ZDHHC11B: variants seen among roughly 807,000 people sequenced by gnomAD.
The protein encoded by ZDHHC11B is probable palmitoyltransferase ZDHHC11B.
ZDHHC11B carries 17 observed loss-of-function variants against 42.3 expected under a neutral mutation model. The observed-to-expected ratio is 0.40, with a 90% CI of 0.27 to 0.60. The LOEUF is 0.60. ZDHHC11B is among the 20% of genes least tolerant of loss of function. The probability of loss-of-function intolerance (pLI) is 0.41; values close to 1 mark genes in which losing one functional copy is unlikely to be tolerated. For missense variants in ZDHHC11B, 262 were observed against 463.2 expected (o/e 0.57, Z 3.99); for synonymous variants, 123 against 193.5 (o/e 0.64, Z 3.02).
intron 12 of ZDHHC11B, among the ~76,000 whole-genome samples, chr5:721,313 G>A (rs1250699146): frequency 1.3e-5 from 2 of 151,090 alleles, no homozygotes; most frequent in Non-Finnish European, 2.9e-5. Flanking sequence ...TATACAAAAT[G>A]CAAAAAGCTA....
At position 756,268 on chromosome 5, in the gene ZDHHC11B, C is replaced by T. The variant is rs1352123851; in HGVS notation, c.223-124G>A. 17 of 1,417,950 alleles carry T rather than the reference C, an allele frequency of 1.2e-5. No individual in the cohort carries two copies. In the South Asian group the frequency reaches 1.2e-4, roughly 10 times the overall value. The allele number at this position is 1,417,950 out of a possible 1,614,324, so 87.8% of individuals were successfully genotyped here. A position where few individuals can be genotyped will look rare whatever the true frequency, so the allele number is the denominator to read the frequency against. On this transcript the variant is annotated intron_variant, in intron 4 of 13. Transcript: ENST00000508859. Reference sequence around the variant, plus strand: ...AGCCCTGCTCACCCAGCCCTGCACACGTGAGCCCAGCTCACCCAGGCCTGG... The same window carrying T: ...AGCCCTGCTCACCCAGCCCTGCACATGTGAGCCCAGCTCACCCAGGCCTGG...
chr5:780,473 C>G (rs1336661236), intron 1 of ZDHHC11B, among the ~76,000 whole-genome samples: 1 of 150,842 alleles, frequency 6.6e-6, no homozygotes, highest in Non-Finnish European at 1.5e-5. Context: ...TATTGATCCA[C>G]GTTAGCCAGC....
chr5:729,079 T>G (rs1187898839), intron 12 of ZDHHC11B, among the ~76,000 whole-genome samples: 1 of 149,184 alleles, frequency 6.7e-6, no homozygotes, highest in Non-Finnish European at 1.5e-5. Context: ...GCCAGCTGGG[T>G]GCACTCATCT....
intron 1 of ZDHHC11B, among the ~76,000 whole-genome samples, chr5:772,124 G>T (rs1441806395): frequency 6.6e-6 from 1 of 151,460 alleles, no homozygotes; most frequent in African/African-American, 2.4e-5. Flanking sequence ...GTGAAGAGGA[G>T]AAACTGAGGC....
rs563885872 is a variant in ZDHHC11B, at chr5:767,014, C to T, written c.1-95G>A. 63 of 1,405,004 alleles carry T rather than the reference C, an allele frequency of 4.5e-5. 2 individuals carry two copies. Among genetic ancestry groups the T allele is most frequent in the East Asian group, 2.5e-4 (11 of 43,562 alleles). The allele number at this position is 1,405,004 out of a possible 1,614,324, so 87.0% of individuals were successfully genotyped here. On this transcript the variant is annotated intron_variant, in intron 3 of 13. Coordinates refer to ENST00000508859, the MANE Select transcript of ZDHHC11B (RefSeq NM_001351303.2). ...GAGACCACGGGGACTGGGAACATGG[C>T]CCCCAGGACCAGCACTGACAGCCAA...
chr5:779,261 G>C (rs1736789449), intron 1 of ZDHHC11B, among the ~76,000 whole-genome samples: 1 of 150,642 alleles, frequency 6.6e-6, no homozygotes, highest in East Asian at 1.9e-4. Flanking sequence ...GAGATGCCTG[G>C]ACGCTGGGCT....
At chr5:718,752 G>A (rs1218649792) in intron 12 of ZDHHC11B, among the ~76,000 whole-genome samples, 1 of 151,484 alleles carries the variant, frequency 6.6e-6, no homozygotes, top group East Asian at 1.9e-4. Flanking sequence ...GGTCTTTCGT[G>A]AATGGTGTAC....
Position 766,682 on chromosome 5 carries a change from A to C in ZDHHC11B, c.222+16T>G. The C allele has an allele frequency of 6.3e-7, 1 of 1,597,354 alleles. No homozygotes were observed. Among genetic ancestry groups the C allele is most frequent in the South Asian group, 1.1e-5 (1 of 89,158 alleles). On this transcript the variant is annotated intron_variant, in intron 4 of 13. Coordinates refer to ENST00000508859, the MANE Select transcript of ZDHHC11B (RefSeq NM_001351303.2). Reference sequence around the variant, plus strand: ...GAACCCCTCCCGCTTAGACCATGCCACGATGAAAAGGATACCACATAGGCG... The same window carrying C: ...GAACCCCTCCCGCTTAGACCATGCCCCGATGAAAAGGATACCACATAGGCG...
intron 3 of ZDHHC11B, among the ~76,000 whole-genome samples, chr5:767,173 A>T (rs7731690): frequency 6.6e-6 from 1 of 151,418 alleles, no homozygotes; most frequent in Non-Finnish European, 1.5e-5. Flanking sequence ...GAGTGGCAAC[A>T]GAAAATGGCT....
At chr5:762,622 T>C (rs1734768330) in intron 4 of ZDHHC11B, among the ~76,000 whole-genome samples, 1 of 151,802 alleles carries the variant, frequency 6.6e-6, no homozygotes, top group Non-Finnish European at 1.5e-5. Flanking sequence ...AAAGCCTTAC[T>C]GGCAGTGTGT....
At chr5:773,063 G>A (rs1449162971) in intron 1 of ZDHHC11B, among the ~76,000 whole-genome samples, 2 of 151,942 alleles carry the variant, frequency 1.3e-5, no homozygotes, top group African/African-American at 2.4e-5. Context: ...GGAGAAGATG[G>A]GAGATGCACT....
intron 4 of ZDHHC11B, among the ~76,000 whole-genome samples, chr5:760,709 T>C (rs1734491610): frequency 6.6e-6 from 1 of 151,808 alleles, no homozygotes; most frequent in South Asian, 2.1e-4. Flanking sequence ...CACAGCATTT[T>C]ACACCCCTAG....
chr5:720,271 CAG>C (rs1381251110), intron 12 of ZDHHC11B, among the ~76,000 whole-genome samples: 1 of 151,860 alleles, frequency 6.6e-6, no homozygotes, highest in Admixed American at 6.6e-5. Context: ...TGAAGGCAGG[CAG>C]AGAGAAGTGA....
At chr5:784,628 CCGCGCCG>C (rs915518068) in intron 1 of ZDHHC11B, among the ~76,000 whole-genome samples, 33 bp downstream of exon 1, 1 of 151,656 alleles carries the variant, frequency 6.6e-6, no homozygotes, top group African/African-American at 2.4e-5. Context: ...CGGGTGCCCC[CCGCGCCG>C]CGCCCGCAGG....
chr5:769,767 TTTTCTAAGACTGC>T (rs1298917679), intron 1 of ZDHHC11B, among the ~76,000 whole-genome samples: 1 of 151,984 alleles, frequency 6.6e-6, no homozygotes, highest in Non-Finnish European at 1.5e-5. Flanking sequence ...CAGCTCTTCT[TTTTCTAAGACTGC>T]TTTCCAGATT....
chr5:714,252 C>T (rs1434376334), intron 13 of ZDHHC11B, among the ~76,000 whole-genome samples: 2 of 137,756 alleles, frequency 1.5e-5, no homozygotes, highest in African/African-American at 3.0e-5. Flanking sequence ...TTTATGCCAT[C>T]GGTCTGTATT....
At chr5:717,461 T>C (rs1395420712) in intron 12 of ZDHHC11B, among the ~76,000 whole-genome samples, 12 of 151,608 alleles carry the variant, frequency 7.9e-5, no homozygotes, top group Non-Finnish European at 1.8e-4. Flanking sequence ...GCTGAATGTG[T>C]CAGGAATTAG....
At chr5:775,572 C>T (rs1736405516) in intron 1 of ZDHHC11B, among the ~76,000 whole-genome samples, 1 of 151,850 alleles carries the variant, frequency 6.6e-6, no homozygotes, top group Non-Finnish European at 1.5e-5. Context: ...CCAGGAGCCC[C>T]GCGTGCTTCT....
chr5:770,628 C>T (rs1201924158), intron 1 of ZDHHC11B, among the ~76,000 whole-genome samples: 5 of 152,028 alleles, frequency 3.3e-5, no homozygotes, highest in African/African-American at 1.2e-4. Flanking sequence ...CGTGCGACAG[C>T]CGCTCCCTCC....
Sources: allele counts gnomAD v4.1 joint callset (sites outside exome capture counted in the v4.1 genomes callset), GRCh38; gene constraint gnomAD v4.1.1; transcripts MANE v1.5; gene names NCBI Gene and HGNC (gene_info 2026-07-23, HGNC 2026-07-21).